The following NFIC variants were observed in gnomAD, a reference collection of about 807,000 sequenced individuals.
NFIC encodes nuclear factor 1 C-type.
NFIC carries 12 observed loss-of-function variants against 54.4 expected under a neutral mutation model. The observed-to-expected ratio is 0.22, with a 90% CI of 0.14 to 0.36. NFIC has a LOEUF of 0.36. Ranked by LOEUF, NFIC falls within the 10% of genes least tolerant of loss-of-function variation. The pLI is 1.00. For missense variants in NFIC, 575 were observed against 718.2 expected (o/e 0.80, Z 2.28); for synonymous variants, 322 against 319.2 (o/e 1.01, Z -0.09).
chr19:3,394,530 A>ACCCCCCCCCCCCCCCC (rs1270123415), intron 2 of NFIC, among the ~76,000 whole-genome samples: 1 of 36,628 alleles, frequency 2.7e-5, no homozygotes, highest in African/African-American at 2.0e-4. Context: ...CCCACCCCCC[A>ACCCCCCCCCCCCCCCC]CCCGCTTACA....
At chr19:3,367,841 TG>T (rs1383983912) in intron 1 of NFIC, among the ~76,000 whole-genome samples, 1 of 152,096 alleles carries the variant, frequency 6.6e-6, no homozygotes, top group Non-Finnish European at 1.5e-5. Flanking sequence ...AAGCACTGTG[TG>T]GGGAGTATAT....
chr19:3,363,895 G>GC (rs1486170358), upstream of NFIC, among the ~76,000 whole-genome samples: 1 of 152,220 alleles, frequency 6.6e-6, no homozygotes, highest in Non-Finnish European at 1.5e-5. Flanking sequence ...TGTCCACAGT[G>GC]CCAAGGGGGA....
intron 2 of NFIC, among the ~76,000 whole-genome samples, chr19:3,392,704 C>T (rs2081394746): frequency 6.6e-6 from 1 of 152,208 alleles, no homozygotes; most frequent in East Asian, 1.9e-4. Flanking sequence ...CAGCTAGGGA[C>T]AGCTCTGTGC....
chr19:3,416,881 C>T (rs1297836000), intron 2 of NFIC, among the ~76,000 whole-genome samples: 6 of 129,946 alleles, frequency 4.6e-5, no homozygotes, highest in Admixed American at 7.7e-5. Flanking sequence ...CCTGTAATCC[C>T]AGTGCTTTTT....
At chr19:3,385,573 GTTTTT>G (rs569020735) in intron 2 of NFIC, among the ~76,000 whole-genome samples, 2 of 109,278 alleles carry the variant, frequency 1.8e-5, no homozygotes, top group Non-Finnish European at 2.0e-5. Flanking sequence ...GGTTGTTGTT[GTTTTT>G]TTTTTTTTTT....
intron 2 of NFIC, among the ~76,000 whole-genome samples, chr19:3,410,131 C>G (rs991791976): frequency 1.3e-5 from 2 of 152,132 alleles, no homozygotes; most frequent in African/African-American, 4.8e-5. Flanking sequence ...AGCTCCGCCT[C>G]CCGGGTTCAC....
At chr19:3,430,179 C>G (rs1427574646) in intron 3 of NFIC, among the ~76,000 whole-genome samples, 1 of 151,866 alleles carries the variant, frequency 6.6e-6, no homozygotes, top group Non-Finnish European at 1.5e-5. Flanking sequence ...TCATTTTAGC[C>G]ATTTTTAAGT....
chr19:3,381,762 C>T lies in NFIC; in HGVS notation c.81C>T (p.Phe27=), dbSNP rs144268546. 6.2e-7 allele frequency: 1 copy of T among 1,613,772 alleles called. No homozygotes were observed. Among genetic ancestry groups the T allele is most frequent in the African/African-American group, 1.3e-5 (1 of 74,942 alleles). The change falls in exon 2 of 11, where the codon TTC becomes TTT. Residue 27 remains phenylalanine (F), a synonymous_variant. Transcript: ENST00000443272. The part of the protein sequence containing the change: ...IEALLPHVRA[F]AYTWFNLQAR... ...CCCTGCTGCCTCACGTCCGCGCCTT[C>T]GCCTACACCTGGTTCAACCTGCAGG...
In NFIC at chr19:3,464,448, G is replaced by T. The variant is rs1157445697; in HGVS notation, c.*1679G>T. 8.2e-6 allele frequency: 8 copies of T among 971,532 alleles called. No homozygotes were observed. The highest frequency in any genetic ancestry group is 9.7e-6 in the Non-Finnish European group (8 of 827,148). 60.2% of individuals were successfully genotyped at this position (971,532 alleles called of 1,614,324 possible). A position where few individuals can be genotyped will look rare whatever the true frequency, so the allele number is the denominator to read the frequency against. ...ACACCTCCACCCCCACCCCAGGATC[G>T]CCATCTTTAGGGGAGGCCTGGGAGG... On this transcript the variant is annotated 3_prime_UTR_variant, in exon 11 of 11. Coordinates refer to ENST00000443272, the MANE Select transcript of NFIC (RefSeq NM_001245002.2).
rs200434256 is a variant in NFIC, at chr19:3,370,637, T to TTC, written c.30+3981_30+3982dup. On this transcript the variant is annotated intron_variant, in intron 1 of 10. Transcript: ENST00000443272. The surrounding 1 kb of genome is among the most constrained non-coding windows in gnomAD (Gnocchi z 5.2). ...CCTTCTCTCCCTCTCTCCTTCTCTC[T>TTC]TCTCTCTCTCTTTCTCCCTCCCTAC... is the stretch of plus-strand genomic sequence containing the variant. Among the ~76,000 whole-genome samples, 1 of 149,968 alleles carries TTC rather than the reference T, an allele frequency of 6.7e-6. No homozygotes were observed. The highest frequency in any genetic ancestry group is 2.5e-5 in the African/African-American group (1 of 40,710).
At chr19:3,365,810 A>G (rs1200943362), upstream of NFIC, among the ~76,000 whole-genome samples, 1 of 151,976 alleles carries the variant, frequency 6.6e-6, no homozygotes, top group Non-Finnish European at 1.5e-5. Flanking sequence ...CTGGGTGAAG[A>G]GAGCAAATTC....
intron 2 of NFIC, among the ~76,000 whole-genome samples, chr19:3,419,376 A>AGG (rs1239237231): frequency 6.6e-6 from 1 of 152,044 alleles, no homozygotes; most frequent in Non-Finnish European, 1.5e-5. Flanking sequence ...CGACAGTCTG[A>AGG]GGTGGGGGGA....
intron 3 of NFIC, among the ~76,000 whole-genome samples, chr19:3,432,388 G>A (rs2082133523): frequency 6.6e-6 from 1 of 152,142 alleles, no homozygotes; most frequent in Non-Finnish European, 1.5e-5. Context: ...ACACTGCAGG[G>A]TCGGGGCAGA....
chr19:3,434,987 C>T lies in NFIC; in HGVS notation c.834-96C>T, dbSNP rs1056930128. The T allele has an allele frequency of 4.9e-6, 7 of 1,418,232 alleles. No individual in the cohort carries two copies. The African/African-American group carries it at 5.8e-5, about 12-fold the overall frequency. 87.9% of individuals were successfully genotyped at this position (1,418,232 alleles called of 1,614,324 possible). A position where few individuals can be genotyped will look rare whatever the true frequency, so the allele number is the denominator to read the frequency against. ...CTCGCGATACTACCTCCCTCGCCCC[C>T]GCTCACTTAAGGACCGGAAGTAGCA... On this transcript the variant is annotated intron_variant, in intron 5 of 10. Transcript: ENST00000443272.
chr19:3,404,455 G>A (rs1007036203), intron 2 of NFIC, among the ~76,000 whole-genome samples: 24 of 152,278 alleles, frequency 1.6e-4, no homozygotes, highest in African/African-American at 5.3e-4. Flanking sequence ...GGCCGTGCGC[G>A]GGTGGGCGCT....
At chr19:3,418,829 G>T (rs62125966) in intron 2 of NFIC, among the ~76,000 whole-genome samples, 2,088 of 152,220 alleles carry the variant, frequency 0.014, 17 homozygotes, top group Non-Finnish European at 0.023. Flanking sequence ...TCCAGCCTGG[G>T]CAACACGGCA....
intron 2 of NFIC, among the ~76,000 whole-genome samples, chr19:3,390,659 G>A (rs1397048753): frequency 2.0e-5 from 3 of 152,196 alleles, no homozygotes; most frequent in Non-Finnish European, 4.4e-5. Context: ...CTGGTATACA[G>A]TAAGCACTCA....
chr19:3,377,282 TGAG>T (rs938670123), intron 1 of NFIC, among the ~76,000 whole-genome samples: 4 of 128,050 alleles, frequency 3.1e-5, no homozygotes, highest in Admixed American at 2.1e-4. Context: ...TGCAGTGAGC[TGAG>T]ATCGCATCAC....
chr19:3,375,902 C>T lies in NFIC; in HGVS notation c.31-5810C>T, dbSNP rs190024557. Among the ~76,000 whole-genome samples the T allele has an allele frequency of 3.5e-4, 54 of 152,262 alleles. No individual in the cohort carries two copies. Among genetic ancestry groups the T allele is most frequent in the African/African-American group, 1.2e-3 (51 of 41,550 alleles). ...ACACACAGTGGGAGTCCAGGGTCAA[C>T]GTCTCCCTACCTTCCTGAGACCCCA... On this transcript the variant is annotated intron_variant, in intron 1 of 10. Transcript: ENST00000443272. This position sits in a 1 kb window ranked among gnomAD's most constrained non-coding sequence, Gnocchi z 4.6.
Sources: allele counts gnomAD v4.1 joint callset (sites outside exome capture counted in the v4.1 genomes callset), GRCh38; gene constraint gnomAD v4.1.1; non-coding constraint Gnocchi (gnomAD v3.1); transcripts MANE v1.5; gene names NCBI Gene and HGNC (gene_info 2026-07-23, HGNC 2026-07-21).